ADGRA3: variants seen among roughly 807,000 people sequenced by gnomAD.
ADGRA3 encodes the protein G-protein coupled receptor 125.
A neutral mutation model predicts 119.8 loss-of-function variants in ADGRA3; 56 were observed. The observed-to-expected ratio is 0.47, with a 90% confidence interval of 0.38 to 0.58. The LOEUF (loss-of-function observed/expected upper bound fraction) is 0.58. Ranked by LOEUF, ADGRA3 falls within the 20% of genes least tolerant of loss-of-function variation. The pLI, the probability that ADGRA3 is intolerant of heterozygous loss-of-function variation, is 0.00. For missense variants in ADGRA3, 1,516 were observed against 1,649.0 expected (o/e 0.92, Z 1.40); for synonymous variants, 607 against 623.8 (o/e 0.97, Z 0.40).
At chr4:22,500,338 T>G (rs904650198) in intron 1 of ADGRA3, among the ~76,000 whole-genome samples, 1 of 152,202 alleles carries the variant, frequency 6.6e-6, no homozygotes, top group African/African-American at 2.4e-5. Context: ...CAGGCTTCAG[T>G]TGGCACTCCT....
rs1010986633 is a variant in ADGRA3 at position 22,436,705 on chromosome 4, C to G, written c.1086-64G>C. Reference sequence around the variant, plus strand: ...GACACGGGTACATCAAGAATAACAACAGCAGAGAAAAAAATCAAAGATGAA... The same window carrying G: ...GACACGGGTACATCAAGAATAACAAGAGCAGAGAAAAAAATCAAAGATGAA... On this transcript the variant is annotated intron_variant, in intron 8 of 18. Coordinates refer to ENST00000334304, the MANE Select transcript of ADGRA3 (RefSeq NM_145290.4). 10 of 1,385,088 alleles carry G rather than the reference C, an allele frequency of 7.2e-6. No individual in the cohort carries two copies. The Admixed American group carries it at 1.6e-4, about 22-fold the overall frequency. The allele number at this position is 1,385,088 out of a possible 1,614,324, so 85.8% of individuals were successfully genotyped here.
At position 22,401,538 on chromosome 4, in the gene ADGRA3, G is replaced by C. The variant is rs1714648517; in HGVS notation, c.2374C>G (p.Leu792Val). 2 of 1,604,776 alleles carry C rather than the reference G, an allele frequency of 1.2e-6. No individual in the cohort carries two copies. ...IYHHSLIRISLKSWHMLVNLC... is the reference protein window; with the variant it reads ...IYHHSLIRISVKSWHMLVNLC... ...TTCACAAGCATGTGCCAGCTCTTGAGGCTGATTCTAATCAAACTGTTTAAA... is the reference window on the plus strand; with the variant it reads ...TTCACAAGCATGTGCCAGCTCTTGACGCTGATTCTAATCAAACTGTTTAAA... Residue 792 changes from leucine (L) to valine (V), a missense_variant, in exon 16 of 19, where the codon CTC becomes GTC. Physicochemically the swap from Leu to Val is conservative, Grantham distance 32. Around this residue, in one of 2 missense-constraint regions of ADGRA3, gnomAD observed 1,088 missense variants for 1,107.1 expected, o/e 0.98. Transcript: ENST00000334304.
At chr4:22,424,508 T>C (rs1715853076) in intron 10 of ADGRA3, among the ~76,000 whole-genome samples, 156 bp from the exon 11 acceptor site, 1 of 152,178 alleles carries the variant, frequency 6.6e-6, no homozygotes, top group South Asian at 2.1e-4. Context: ...GAAAACATCT[T>C]CAGATATGAA....
Position 22,389,099 on chromosome 4 carries a change from T to C in ADGRA3, c.2712A>G (p.Pro904=), listed in dbSNP as rs981626092. 6.2e-7 allele frequency: 1 copy of C among 1,613,962 alleles called. No individual in the cohort carries two copies. Among genetic ancestry groups the C allele is most frequent in the Non-Finnish European group, 8.5e-7 (1 of 1,179,844 alleles). ...TATAAAATACTCACTAGGGTGCGTTTGGCCGACTGCCGTAATTCTTAATGT... is the reference window on the plus strand; with the variant it reads ...TATAAAATACTCACTAGGGTGCGTTCGGCCGACTGCCGTAATTCTTAATGT... ...AANIKNYGSR[P]NAPYCWMAWE... Residue 904 remains proline, a synonymous_variant, in exon 18 of 19, where the codon CCA becomes CCG. Coordinates refer to ENST00000334304, the MANE Select transcript of ADGRA3 (RefSeq NM_145290.4).
chr4:22,442,849 A>G lies in ADGRA3; in HGVS notation c.721T>C (p.Leu241=), dbSNP rs1235015015. 1 of 1,612,166 alleles carries G rather than the reference A, an allele frequency of 6.2e-7. No individual in the cohort carries two copies. Among genetic ancestry groups the G allele is most frequent in the Non-Finnish European group, 8.5e-7 (1 of 1,178,350 alleles). The change falls in exon 7 of 19, where the codon TTG becomes CTG. Residue 241 remains leucine (L), a synonymous_variant. Transcript: ENST00000334304. ...ELLTCDPPLE[L]PSFYMTPSHR... ...GATGGAGTCATGTAGAAAGACGGCAATTCAAGCGGAGGGTCTAGAGACAAT... is the reference window on the plus strand; with the variant it reads ...GATGGAGTCATGTAGAAAGACGGCAGTTCAAGCGGAGGGTCTAGAGACAAT...
At chr4:22,418,622 A>C (rs1304744125) in intron 12 of ADGRA3, among the ~76,000 whole-genome samples, 1 of 152,210 alleles carries the variant, frequency 6.6e-6, no homozygotes, top group Non-Finnish European at 1.5e-5. Flanking sequence ...GTCAAATGAT[A>C]AAGCTACTGA....
Position 22,470,213 on chromosome 4 carries a change from CTA to C in ADGRA3, c.329+3557_329+3558del, listed in dbSNP as rs566232490. ...GCATAGACTTCTAAAATAAAGCAAA[CTA>C]TGTTCAAAAAGGTGAACCAAAACTA... On this transcript the variant is annotated intron_variant, in intron 2 of 18. Coordinates refer to ENST00000334304, the MANE Select transcript of ADGRA3 (RefSeq NM_145290.4). 4.0e-4 allele frequency among the ~76,000 whole-genome samples: 60 copies of C among 151,574 alleles called. 1 individual carries two copies. In the East Asian group the frequency reaches 0.011, roughly 28 times the overall value.
intron 2 of ADGRA3, among the ~76,000 whole-genome samples, chr4:22,472,699 C>A (rs887149636): frequency 6.6e-6 from 1 of 151,908 alleles, no homozygotes; most frequent in East Asian, 1.9e-4. Context: ...AAGTCCTGTG[C>A]GAGTTCAATC....
chr4:22,435,488 G>T, intron 9 of ADGRA3, 22 bp from the exon 10 acceptor site: 1 of 1,566,802 alleles, frequency 6.4e-7, no homozygotes. Context: ...AGGCAAAAAT[G>T]ATCAACAAAA....
Position 22,507,503 on chromosome 4 carries a change from T to G in ADGRA3, c.257+8025A>C, listed in dbSNP as rs538257863. 7.9e-5 allele frequency among the ~76,000 whole-genome samples: 12 copies of G among 152,298 alleles called. No homozygotes were observed. The South Asian group carries it at 2.1e-3, about 26-fold the overall frequency. On this transcript the variant is annotated intron_variant, in intron 1 of 18. Transcript: ENST00000334304. ...AGTTTTTACTTCTGTCTTTGTCTGT[T>G]TTTTAAACCATCTTTACAGGCTCCT...
At chr4:22,431,085 T>C (rs1716147512) in intron 10 of ADGRA3, among the ~76,000 whole-genome samples, 1 of 152,180 alleles carries the variant, frequency 6.6e-6, no homozygotes, top group Non-Finnish European at 1.5e-5. Context: ...GGCAGAAGTT[T>C]GCTGCAGGGG....
At position 22,438,350 on chromosome 4, in the gene ADGRA3, C is replaced by T; in HGVS notation, c.991G>A (p.Gly331Arg). The stretch of plus-strand genomic sequence containing the variant: ...ATATCCACAGTCCTCGTATTATTCC[C>T]ACGTTTGGTCTGGACATGACAGCCC... ...NWGCHVQTKR[G>R]NNTRTVDIVV... Residue 331 changes from glycine (G) to arginine (R), a missense_variant, in exon 8 of 19, where the codon GGG becomes AGG. This residue lies in a region of ADGRA3 where 428 missense variants were observed against 541.9 expected (regional missense o/e 0.79). Coordinates refer to ENST00000334304, the MANE Select transcript of ADGRA3 (RefSeq NM_145290.4). 1 of 1,613,554 alleles carries T rather than the reference C, an allele frequency of 6.2e-7. No homozygotes were observed.
rs564790441 is a variant in ADGRA3 at position 22,397,171 on chromosome 4, A to C, written c.2481+4260T>G. 7.4e-3 allele frequency among the ~76,000 whole-genome samples: 901 copies of C among 122,448 alleles called. 4 individuals are homozygous for C. Among genetic ancestry groups the C allele is most frequent in the Admixed American group, 0.011 (102 of 9,502 alleles). The allele number at this position is 122,448 out of a possible 152,430, so 80.3% of individuals were successfully genotyped here. ...TAAGCACCAGTGAATCAACTACTGT[A>C]ATTCTTTTTTTTTTTTTTTTTTTTT... On this transcript the variant is annotated intron_variant, in intron 16 of 18. Coordinates refer to ENST00000334304, the MANE Select transcript of ADGRA3 (RefSeq NM_145290.4).
intron 2 of ADGRA3, among the ~76,000 whole-genome samples, chr4:22,467,534 A>G (rs1717702312): frequency 6.6e-6 from 1 of 152,366 alleles, no homozygotes; most frequent in South Asian, 2.1e-4. Flanking sequence ...TACAACAGGA[A>G]CTGAGTTAGT....
At position 22,447,471 on chromosome 4, in the gene ADGRA3, T is replaced by C. The variant is rs1716874082; in HGVS notation, c.514A>G (p.Thr172Ala). 4.4e-6 allele frequency: 7 copies of C among 1,579,282 alleles called. No individual in the cohort carries two copies. The highest frequency in any genetic ancestry group is 6.0e-6 in the Non-Finnish European group (7 of 1,165,844). The change falls in exon 5 of 19, where the codon ACT becomes GCT. Residue 172 changes from threonine to alanine, a missense_variant. Physicochemically the swap from Thr to Ala is moderately conservative, Grantham distance 58 (BLOSUM62 0). This residue lies in a region of ADGRA3 where 428 missense variants were observed against 541.9 expected (regional missense o/e 0.79). Transcript: ENST00000334304. ...CGTAATGACGCAAGATAATCAAAAGTTCCTTGAGATAATGAAGAAAACAAA... is the reference window on the plus strand; with the variant it reads ...CGTAATGACGCAAGATAATCAAAAGCTCCTTGAGATAATGAAGAAAACAAA... ...GNLFSSLSQG[T>A]FDYLASLRSL...
At chr4:22,426,199 C>T (rs1316436346) in intron 10 of ADGRA3, among the ~76,000 whole-genome samples, 8 of 152,116 alleles carry the variant, frequency 5.3e-5, no homozygotes, top group Admixed American at 2.0e-4. Flanking sequence ...AAAAATAGGA[C>T]CAATGCATCC....
At chr4:22,486,776 A>G (rs940156327) in intron 1 of ADGRA3, among the ~76,000 whole-genome samples, 1 of 152,216 alleles carries the variant, frequency 6.6e-6, no homozygotes, top group Non-Finnish European at 1.5e-5. Context: ...TAGAATTTGA[A>G]TCTTAACACC....
chr4:22,494,613 T>C (rs1419674859), intron 1 of ADGRA3, among the ~76,000 whole-genome samples: 1 of 151,982 alleles, frequency 6.6e-6, no homozygotes, highest in East Asian at 1.9e-4. Context: ...AGAAAACTAC[T>C]ACACATATTA....
intron 1 of ADGRA3, among the ~76,000 whole-genome samples, chr4:22,501,753 T>C (rs1333199537): frequency 7.1e-6 from 1 of 140,538 alleles, no homozygotes; most frequent in Non-Finnish European, 1.6e-5. Flanking sequence ...AGTTTTATAA[T>C]CACAAAAAAA....
Sources: gnomAD v4.1 joint callset for allele counts (sites outside exome capture counted in the v4.1 genomes callset) on GRCh38, gnomAD v4.1.1 for gene constraint, gnomAD v4.1.1 regional missense constraint, MANE v1.5 for transcripts, NCBI Gene and HGNC (gene_info 2026-07-23, HGNC 2026-07-21) for gene names.